SULF2: variants seen among roughly 807,000 people sequenced by gnomAD.
SULF2 encodes the protein extracellular sulfatase Sulf-2.
In SULF2, 52 loss-of-function variants were observed where a neutral mutation model predicts 107.7. The ratio of observed to expected loss-of-function variants is 0.48; its 90% CI spans 0.39 to 0.61. The LOEUF is 0.61. Among genes scored for constraint, SULF2 ranks in the 20% least tolerant of loss-of-function variants. SULF2 has a pLI of 0.00. For missense variants in SULF2, 993 were observed against 1,177.3 expected (o/e 0.84, Z 2.29); for synonymous variants, 460 against 464.3 (o/e 0.99, Z 0.12).
At chr20:47,736,422 C>G (rs114144218) in intron 3 of SULF2, among the ~76,000 whole-genome samples, 1 of 152,202 alleles carries the variant, frequency 6.6e-6, no homozygotes, top group East Asian at 1.9e-4. Context: ...GCATGGGCAC[C>G]TTATGGCCTC....
chr20:47,783,902 G>A (rs2090875088), intron 1 of SULF2, among the ~76,000 whole-genome samples: 1 of 152,178 alleles, frequency 6.6e-6, no homozygotes, highest in African/African-American at 2.4e-5. Context: ...ACGAAGCTGG[G>A]GAGAACATCT....
intron 16 of SULF2, 42 bp from the exon 17 acceptor site, chr20:47,663,254 G>A (rs768109450): frequency 1.2e-6 from 2 of 1,611,156 alleles, no homozygotes; most frequent in East Asian, 2.2e-5. Context: ...CCTGCGGGAG[G>A]AGGCCCCATC....
chr20:47,745,434 TATATATATATATATATATATATACAC>T lies in SULF2; in HGVS notation c.176-8518_176-8493del, dbSNP rs1291255793. ...AAATATATATATATATATATATATATATATATATATATATATATATATACACATACACACACACTTTTTTAGTTCAA... is the reference window on the plus strand; with the variant it reads ...AAATATATATATATATATATATATATATACACACACACTTTTTTAGTTCAA... On this transcript the variant is annotated intron_variant, in intron 2 of 20. Transcript: ENST00000688720. Among the ~76,000 whole-genome samples the T allele has an allele frequency of 5.1e-3, 47 of 9,174 alleles. 4 individuals carry two copies. The highest frequency in any genetic ancestry group is 0.021 in the East Asian group (3 of 140). 6.0% of individuals were successfully genotyped at this position (9,174 alleles called of 152,430 possible).
intron 1 of SULF2, among the ~76,000 whole-genome samples, chr20:47,761,539 C>A (rs1469748634): frequency 6.6e-6 from 1 of 152,200 alleles, no homozygotes; most frequent in Non-Finnish European, 1.5e-5. Flanking sequence ...GCTAATTGTA[C>A]AAATAAAAGT....
chr20:47,710,537 C>T (rs145846685), intron 3 of SULF2, among the ~76,000 whole-genome samples: 1 of 151,810 alleles, frequency 6.6e-6, no homozygotes, highest in South Asian at 2.1e-4. Context: ...CCATGATGTT[C>T]GCACAATGAC....
intron 1 of SULF2, among the ~76,000 whole-genome samples, chr20:47,781,255 G>T (rs1027996204): frequency 6.6e-6 from 1 of 152,234 alleles, no homozygotes; most frequent in Non-Finnish European, 1.5e-5. Flanking sequence ...ATGAAGATGG[G>T]TCCATCTGGC....
At chr20:47,736,620 A>G in intron 3 of SULF2, 83 bp downstream of exon 3, 1 of 1,557,826 alleles carries the variant, frequency 6.4e-7, no homozygotes, top group South Asian at 1.2e-5. Flanking sequence ...CAACTTGGGT[A>G]CCGCAGTGGT....
intron 1 of SULF2, among the ~76,000 whole-genome samples, chr20:47,777,532 G>A (rs571293415): frequency 1.7e-4 from 26 of 152,272 alleles, no homozygotes; most frequent in African/African-American, 6.0e-4. Context: ...AAAAACCAGC[G>A]CCTGGACTCC....
rs1176743247 is a variant in SULF2 at position 47,748,390 on chromosome 20, T to A, written c.175+8799A>T. Among the ~76,000 whole-genome samples, 4 of 152,246 alleles carry A rather than the reference T, an allele frequency of 2.6e-5. No homozygotes were observed. The East Asian group carries it at 7.7e-4, about 29-fold the overall frequency. On this transcript the variant is annotated intron_variant, in intron 2 of 20. Coordinates refer to ENST00000688720, the MANE Select transcript of SULF2 (RefSeq NM_001387048.1). ...CCCCACTTCCCACTGCTAGGGGAGC[T>A]GCCCTCACTGGGACCCTTGCTCCTG...
chr20:47,704,276 CA>C (rs1399287696), intron 3 of SULF2, among the ~76,000 whole-genome samples: 3 of 121,694 alleles, frequency 2.5e-5, no homozygotes, highest in East Asian at 3.4e-4. Context: ...TTTGCATGTA[CA>C]TTTTTTTTTT....
chr20:47,703,331 C>G (rs2088629290), intron 3 of SULF2, among the ~76,000 whole-genome samples: 1 of 152,232 alleles, frequency 6.6e-6, no homozygotes, highest in African/African-American at 2.4e-5. Context: ...GACAAAGCTA[C>G]AGATTCTGCC....
chr20:47,664,077 C>T, intron 15 of SULF2, 53 bp downstream of exon 15: 1 of 1,579,158 alleles, frequency 6.3e-7, no homozygotes, highest in Non-Finnish European at 8.7e-7. Context: ...GGGAGGGCCA[C>T]CTCCTCATGC....
chr20:47,670,881 A>AT (rs549300421), intron 11 of SULF2, among the ~76,000 whole-genome samples: 246 of 151,840 alleles, frequency 1.6e-3, no homozygotes, highest in Non-Finnish European at 1.9e-3. Context: ...TTTCACCATA[A>AT]TTTTTTTTAA....
chr20:47,686,541 T>C (rs554692185), intron 5 of SULF2, among the ~76,000 whole-genome samples: 6 of 152,190 alleles, frequency 3.9e-5, no homozygotes, highest in Middle Eastern at 3.4e-3. Context: ...AAAGGGTGAG[T>C]TTCCACTGCT....
rs2087223059 is a variant in SULF2, at chr20:47,665,281, G to T, written c.1915C>A (p.Gln639Lys). ...TCCCTCAGGTTCTTAATTTTGTTCT[G>T]CAGGGTTTCAATCTGAGGGAGGGGC... ...LHIDHEIETL[Q>K]NKIKNLREVR... Residue 639 changes from glutamine (Q) to lysine (K), a missense_variant, in exon 14 of 21, where the codon CAG (glutamine) becomes AAG (lysine). By Grantham distance (53) the Gln-to-Lys change is moderately conservative (BLOSUM62 1). Transcript: ENST00000688720. 5 of 1,612,190 alleles carry T rather than the reference G, an allele frequency of 3.1e-6. No individual in the cohort carries two copies. The highest frequency in any genetic ancestry group is 4.2e-6 in the Non-Finnish European group (5 of 1,178,380).
rs1340836548 is a variant in SULF2, at chr20:47,665,987, G to A, written c.1806-34C>T. ...GAGAAGGGATCACGTGTGGCTCGGAGGTGGTGGAGGGGGAGCAGCCCAGGT... is the reference window on the plus strand; with the variant it reads ...GAGAAGGGATCACGTGTGGCTCGGAAGTGGTGGAGGGGGAGCAGCCCAGGT... On this transcript the variant is annotated intron_variant, in intron 12 of 20. Coordinates refer to ENST00000688720, the MANE Select transcript of SULF2 (RefSeq NM_001387048.1). 4 of 1,606,684 alleles carry A rather than the reference G, an allele frequency of 2.5e-6. No homozygotes were observed. In the East Asian group the frequency reaches 6.7e-5, roughly 27 times the overall value.
intron 3 of SULF2, among the ~76,000 whole-genome samples, chr20:47,717,605 C>A (rs2089162765): frequency 1.3e-5 from 2 of 152,150 alleles, no homozygotes; most frequent in East Asian, 3.9e-4. Flanking sequence ...TGCTTTCTGC[C>A]AGAATTCCAG....
intron 4 of SULF2, among the ~76,000 whole-genome samples, chr20:47,697,654 A>G (rs2088427842): frequency 6.6e-6 from 1 of 152,122 alleles, no homozygotes; most frequent in Non-Finnish European, 1.5e-5. Flanking sequence ...CTCTGTTCCC[A>G]GGCCCCTGGT....
chr20:47,767,549 G>A (rs1178047880), intron 1 of SULF2, among the ~76,000 whole-genome samples: 2 of 152,174 alleles, frequency 1.3e-5, no homozygotes, highest in Non-Finnish European at 2.9e-5. Flanking sequence ...GGGAGGCTGC[G>A]GCAGGTGGAT....
Sources: gnomAD v4.1 joint callset for allele counts (sites outside exome capture counted in the v4.1 genomes callset) on GRCh38, gnomAD v4.1.1 for gene constraint, MANE v1.5 for transcripts, NCBI Gene and HGNC (gene_info 2026-07-23, HGNC 2026-07-21) for gene names.